GPC5: variants seen among roughly 807,000 people sequenced by gnomAD.
GPC5 encodes glypican 5.
In GPC5, 47 loss-of-function variants were observed where a neutral mutation model predicts 53.9. The ratio of observed to expected loss-of-function variants is 0.87; its 90% CI spans 0.69 to 1.11. The LOEUF (loss-of-function observed/expected upper bound fraction) is 1.11. Ranked by LOEUF, GPC5 falls within the 50% of genes most tolerant of loss-of-function variation. The pLI is 0.00. For missense variants in GPC5, 748 were observed against 713.1 expected (o/e 1.05, Z -0.56); for synonymous variants, 286 against 263.3 (o/e 1.09, Z -0.84).
chr13:92,523,758 A>G (rs1383829644), intron 7 of GPC5, among the ~76,000 whole-genome samples: 1 of 152,120 alleles, frequency 6.6e-6, no homozygotes, highest in Non-Finnish European at 1.5e-5. Context: ...ATTATAGTCA[A>G]CAAATTAATT....
chr13:91,442,138 TTAA>T (rs1880484048), intron 1 of GPC5, among the ~76,000 whole-genome samples: 1 of 152,198 alleles, frequency 6.6e-6, no homozygotes. Flanking sequence ...AATGTATGGC[TTAA>T]TAAGTTATTA....
At chr13:92,601,532 G>A (rs1475670878) in intron 7 of GPC5, among the ~76,000 whole-genome samples, 4 of 140,426 alleles carry the variant, frequency 2.8e-5, no homozygotes, top group Non-Finnish European at 6.1e-5. Context: ...TCCAGCCTGG[G>A]CAACAGAGCA....
chr13:92,828,982 T>G (rs1877951081), intron 7 of GPC5, among the ~76,000 whole-genome samples: 1 of 152,114 alleles, frequency 6.6e-6, no homozygotes, highest in Non-Finnish European at 1.5e-5. Context: ...CAATTGCACT[T>G]GTATCCCTAA....
At chr13:91,659,686 G>A (rs2034936542) in intron 2 of GPC5, among the ~76,000 whole-genome samples, 1 of 152,076 alleles carries the variant, frequency 6.6e-6, no homozygotes, top group African/African-American at 2.4e-5. Flanking sequence ...TAGCAGCCTC[G>A]AGATGTTTAT....
At chr13:91,975,714 G>A (rs1467517367) in intron 6 of GPC5, among the ~76,000 whole-genome samples, 32 of 152,258 alleles carry the variant, frequency 2.1e-4, no homozygotes, top group Middle Eastern at 3.4e-3. Context: ...TCAGTGTGGC[G>A]ATTCCTCAGG....
chr13:92,106,693 T>A (rs2041513066), intron 6 of GPC5, among the ~76,000 whole-genome samples: 1 of 152,126 alleles, frequency 6.6e-6, no homozygotes, highest in South Asian at 2.1e-4. Flanking sequence ...TAATTGTTCA[T>A]GTGTGCTAAT....
intron 1 of GPC5, among the ~76,000 whole-genome samples, chr13:91,431,621 G>GA (rs1181061475): frequency 6.6e-6 from 1 of 152,300 alleles, no homozygotes; most frequent in East Asian, 1.9e-4. Flanking sequence ...ATTCCCAGGT[G>GA]AAAAAATCCA....
At chr13:92,787,667 C>T (rs995039572) in intron 7 of GPC5, among the ~76,000 whole-genome samples, 1 of 56,264 alleles carries the variant, frequency 1.8e-5, no homozygotes, top group South Asian at 8.0e-4. Flanking sequence ...CTCATAGCTA[C>T]AAAAAAAAAA....
chr13:91,642,884 G>A (rs2034465534), intron 2 of GPC5, among the ~76,000 whole-genome samples: 1 of 152,100 alleles, frequency 6.6e-6, no homozygotes, highest in African/African-American at 2.4e-5. Context: ...GTAGTTTGTT[G>A]AGTTTTGGAC....
intron 2 of GPC5, among the ~76,000 whole-genome samples, chr13:91,458,099 G>T (rs1233369925): frequency 6.6e-6 from 1 of 152,084 alleles, no homozygotes; most frequent in Non-Finnish European, 1.5e-5. Context: ...GGAAGAAGTG[G>T]CATTTCAGCA....
chr13:92,799,416 C>T (rs1435992115), intron 7 of GPC5, among the ~76,000 whole-genome samples: 1 of 151,682 alleles, frequency 6.6e-6, no homozygotes. Context: ...ACCATAATAA[C>T]ACATAATCAC....
At chr13:92,559,720 G>C (rs1402261573) in intron 7 of GPC5, among the ~76,000 whole-genome samples, 19 of 151,538 alleles carry the variant, frequency 1.3e-4, no homozygotes, top group Admixed American at 1.3e-4. Flanking sequence ...TCAAATAAAG[G>C]CTTGGCCTAA....
At chr13:91,684,563 C>T (rs1340663084) in intron 2 of GPC5, among the ~76,000 whole-genome samples, 1 of 152,174 alleles carries the variant, frequency 6.6e-6, no homozygotes, top group African/African-American at 2.4e-5. Context: ...TGATTCAGTA[C>T]ATATGGACAA....
chr13:92,400,217 T>C (rs1426975689), intron 7 of GPC5, among the ~76,000 whole-genome samples: 2 of 152,158 alleles, frequency 1.3e-5, no homozygotes, highest in African/African-American at 2.4e-5. Context: ...CAATTAATAG[T>C]GTATGACCAA....
intron 7 of GPC5, among the ~76,000 whole-genome samples, chr13:92,185,278 A>C (rs749882368): frequency 5.3e-5 from 8 of 152,138 alleles, no homozygotes; most frequent in Non-Finnish European, 8.8e-5. Context: ...CTTCCTTTTA[A>C]GTTAGTAATT....
chr13:92,474,384 A>T (rs770209985), intron 7 of GPC5, among the ~76,000 whole-genome samples: 27 of 152,072 alleles, frequency 1.8e-4, no homozygotes, highest in Non-Finnish European at 2.5e-4. Flanking sequence ...AATGAAAACC[A>T]AGTAATTGTG....
chr13:92,214,046 A>T (rs551914910), intron 7 of GPC5, among the ~76,000 whole-genome samples: 69 of 152,176 alleles, frequency 4.5e-4, no homozygotes, highest in Admixed American at 3.3e-4. Context: ...GCCAGGATCA[A>T]GGACAAAAGA....
chr13:92,832,003 C>G (rs1594536029), intron 7 of GPC5, among the ~76,000 whole-genome samples: 1 of 152,026 alleles, frequency 6.6e-6, no homozygotes. Context: ...ATGTTCTTTA[C>G]TAAAGCACTC....
At chr13:91,413,974 G>A (rs1463675320) in intron 1 of GPC5, among the ~76,000 whole-genome samples, 1 of 152,166 alleles carries the variant, frequency 6.6e-6, no homozygotes, top group Non-Finnish European at 1.5e-5. Context: ...TAAGAACAAA[G>A]AAACATCATT....
Sources: gnomAD v4.1 joint callset for allele counts (sites outside exome capture counted in the v4.1 genomes callset) on GRCh38, gnomAD v4.1.1 for gene constraint, MANE v1.5 for transcripts, NCBI Gene and HGNC (gene_info 2026-07-23, HGNC 2026-07-21) for gene names.